The following TPO variants were observed in gnomAD, a reference collection of about 807,000 sequenced individuals.
The protein encoded by TPO is thyroid microsomal antigen.
In TPO, 78 loss-of-function variants were observed where a neutral mutation model predicts 96.9. The observed-to-expected ratio is 0.81, with a 90% CI of 0.67 to 0.97. The LOEUF (loss-of-function observed/expected upper bound fraction) is 0.97. Among genes scored for constraint, TPO ranks in the 50% least tolerant of loss-of-function variants. The pLI is 0.00. For missense variants in TPO, 1,252 were observed against 1,274.8 expected, an observed-to-expected ratio of 0.98 and a Z score of 0.27; for synonymous variants, 547 against 538.0, an observed-to-expected ratio of 1.02 and a Z score of -0.23.
chr2:1,517,048 G>T, intron 15 of TPO, 66 bp downstream of exon 15: 1 of 1,520,820 alleles, frequency 6.6e-7, no homozygotes, highest in Non-Finnish European at 9.0e-7. Context: ...GGACATGGCT[G>T]CAATGAAGCT....
At chr2:1,384,722 T>G (rs377246512) in intron 1 of TPO, among the ~76,000 whole-genome samples, 48 of 152,148 alleles carry the variant, frequency 3.2e-4, no homozygotes, top group East Asian at 1.4e-3. Context: ...CTGCCTGATT[T>G]CCCTGGCCAG....
intron 2 of TPO, among the ~76,000 whole-genome samples, chr2:1,422,391 G>GGACAGAC (rs1573111092): frequency 1.9e-5 from 1 of 51,910 alleles, no homozygotes; most frequent in African/African-American, 1.1e-4. Context: ...CAGGCGCCGC[G>GGACAGAC]CTGGGCCATG....
chr2:1,540,778 T>A (rs751232698), intron 16 of TPO, 55 bp downstream of exon 16: 1 of 1,613,026 alleles, frequency 6.2e-7, no homozygotes, highest in South Asian at 1.1e-5. Context: ...TTGGACAGGA[T>A]CTGGGTGTCG....
At position 1,453,709 on chromosome 2, in the gene TPO, G is replaced by A; in HGVS notation, c.498G>A (p.Trp166Ter). 6.2e-7 allele frequency: 1 copy of A among 1,613,938 alleles called. No individual in the cohort carries two copies. Among genetic ancestry groups the A allele is most frequent in the Non-Finnish European group, 8.5e-7 (1 of 1,180,034 alleles). ...GTCTCCACAGAGACCACCCCAGATG[G>A]GGCGCCTCCAACACGGCCCTGGCAC... ...GACNNRDHPRWGASNTALARW... is the reference protein window; with the variant it reads ...GACNNRDHPR The change falls in exon 6 of 17, where the codon TGG becomes TGA. Residue 166 changes from tryptophan (W) to a stop codon, truncating the protein, a stop_gained. Transcript: ENST00000329066. LOFTEE classifies it high-confidence loss of function.
chr2:1,528,713 TCCC>T (rs1677224377), intron 15 of TPO, among the ~76,000 whole-genome samples: 1 of 86,760 alleles, frequency 1.2e-5, no homozygotes, highest in Non-Finnish European at 2.1e-5. Context: ...CCTCCCCAAA[TCCC>T]ACCCACTCTG....
chr2:1,499,876 T>C (rs1024448702), intron 13 of TPO, among the ~76,000 whole-genome samples: 5 of 152,178 alleles, frequency 3.3e-5, no homozygotes, highest in African/African-American at 1.2e-4. Context: ...CGGTTTCAAA[T>C]GTGAAATGAG....
chr2:1,396,760 C>T (rs1200077202), intron 1 of TPO, among the ~76,000 whole-genome samples: 5 of 152,146 alleles, frequency 3.3e-5, no homozygotes, highest in South Asian at 2.1e-4. Flanking sequence ...CCAGCTGGCC[C>T]GCCTAGGACC....
chr2:1,529,166 CCACT>C (rs1440542108), intron 15 of TPO, among the ~76,000 whole-genome samples: 2 of 109,152 alleles, frequency 1.8e-5, no homozygotes, highest in Non-Finnish European at 3.6e-5. Flanking sequence ...CTGAATCCCC[CCACT>C]GTGTGCAGCC....
Position 1,519,389 on chromosome 2 carries a change from G to A in TPO, c.2618+2407G>A, listed in dbSNP as rs545424708. Among the ~76,000 whole-genome samples, 21 of 152,220 alleles carry A rather than the reference G, an allele frequency of 1.4e-4. No homozygotes were observed. The South Asian group carries it at 1.5e-3, about 11-fold the overall frequency. Reference sequence around the variant, plus strand: ...TGCCACAGCTGCCCTGCTTCTCCTCGCGAGAAGATTATATTCCACATGCCA... The same window carrying A: ...TGCCACAGCTGCCCTGCTTCTCCTCACGAGAAGATTATATTCCACATGCCA... On this transcript the variant is annotated intron_variant, in intron 15 of 16. Transcript: ENST00000329066.
chr2:1,515,062 A>G (rs1674542202), intron 14 of TPO, among the ~76,000 whole-genome samples: 1 of 152,146 alleles, frequency 6.6e-6, no homozygotes, highest in Admixed American at 6.5e-5. Context: ...CCAGCCGGAA[A>G]TGTCAAACAC....
At chr2:1,536,301 C>A (rs1456276176) in intron 15 of TPO, among the ~76,000 whole-genome samples, 2 of 4,716 alleles carry the variant, frequency 4.2e-4, no homozygotes, top group Non-Finnish European at 8.0e-4. Context: ...TCCCGAAATC[C>A]CCCCAACTTT....
intron 16 of TPO, 63 bp from the exon 17 acceptor site, chr2:1,542,358 G>A (rs1680859946): frequency 3.7e-6 from 6 of 1,601,858 alleles, no homozygotes; most frequent in African/African-American, 1.3e-5. Flanking sequence ...TGTATCAAGT[G>A]TGTGCTGTTA....
intron 7 of TPO, among the ~76,000 whole-genome samples, chr2:1,467,261 G>A (rs1057378768): frequency 1.3e-5 from 2 of 151,944 alleles, no homozygotes; most frequent in African/African-American, 4.8e-5. Flanking sequence ...CCACCACCAT[G>A]CCCAGCTAAT....
chr2:1,461,596 A>G (rs945987577), intron 7 of TPO, among the ~76,000 whole-genome samples: 1 of 152,148 alleles, frequency 6.6e-6, no homozygotes. Context: ...CACCGGGCAT[A>G]AATATACCCA....
intron 14 of TPO, among the ~76,000 whole-genome samples, chr2:1,514,386 A>T (rs1036604422): frequency 6.6e-6 from 1 of 152,262 alleles, no homozygotes; most frequent in South Asian, 2.1e-4. Context: ...TCAAGCGGAC[A>T]CATAAAATTA....
rs747010460 is a variant in TPO, at chr2:1,516,902, G to C, written c.2538G>C (p.Arg846=). The C allele has an allele frequency of 3.0e-5, 49 of 1,613,824 alleles. No homozygotes were observed. The highest frequency in any genetic ancestry group is 1.6e-4 in the Middle Eastern group (1 of 6,082). ...CCCCAGACTCCGGGAGGCTCCCTCG[G>C]GTGACTTGGATCTCCATGTCGCTGG... The part of the protein sequence containing the change: ...RTCVDSGRLP[R]VTWISMSLAA... Residue 846 remains arginine, a synonymous_variant, in exon 15 of 17, where the codon CGG becomes CGC. Coordinates refer to ENST00000329066, the MANE Select transcript of TPO (RefSeq NM_001206744.2).
chr2:1,418,148 G>T (rs1021676668), intron 2 of TPO, among the ~76,000 whole-genome samples: 1 of 152,156 alleles, frequency 6.6e-6, no homozygotes, highest in Non-Finnish European at 1.5e-5. Flanking sequence ...TTAGCTGGGC[G>T]TGGTGGTGCC....
At chr2:1,454,066 C>A (rs947080204) in intron 6 of TPO, among the ~76,000 whole-genome samples, 8 of 152,202 alleles carry the variant, frequency 5.3e-5, no homozygotes, top group Admixed American at 1.3e-4. Flanking sequence ...GTTTTCTCAA[C>A]CCTAACGTTT....
At chr2:1,469,063 T>C (rs938151506) in intron 7 of TPO, among the ~76,000 whole-genome samples, 1 of 152,226 alleles carries the variant, frequency 6.6e-6, no homozygotes, top group Non-Finnish European at 1.5e-5. Context: ...GTTTTGATTG[T>C]TTTTTATTTG....
Sources: gnomAD v4.1 joint callset for allele counts (sites outside exome capture counted in the v4.1 genomes callset) on GRCh38, gnomAD v4.1.1 for gene constraint, MANE v1.5 for transcripts, NCBI Gene and HGNC (gene_info 2026-07-23, HGNC 2026-07-21) for gene names.